DDX5: variants seen among roughly 807,000 people sequenced by gnomAD.
The protein encoded by DDX5 is probable ATP-dependent RNA helicase DDX5.
In DDX5, 6 loss-of-function variants were observed where a neutral mutation model predicts 68.6. The ratio of observed to expected loss-of-function variants is 0.09; its 90% confidence interval spans 0.05 to 0.17. The LOEUF (loss-of-function observed/expected upper bound fraction) is 0.17. Among genes scored for constraint, DDX5 ranks in the 10% least tolerant of loss-of-function variants. The pLI, the probability that DDX5 is intolerant of heterozygous loss-of-function variation, is 1.00. For synonymous variants in DDX5, 350 were observed against 247.0 expected (o/e 1.42, Z -3.91); for missense variants, 499 against 756.1 (o/e 0.66, Z 3.99).
In DDX5 at chr17:64,498,771, A is replaced by T. The variant is rs1373337950; in HGVS notation, c.*1152T>A. Among the ~76,000 whole-genome samples, 3 of 152,222 alleles carry T rather than the reference A, an allele frequency of 2.0e-5. No individual in the cohort carries two copies. The highest frequency in any genetic ancestry group is 4.4e-5 in the Non-Finnish European group (3 of 68,046). On this transcript the variant is annotated 3_prime_UTR_variant, in exon 13 of 13. Coordinates refer to ENST00000225792, the MANE Select transcript of DDX5 (RefSeq NM_004396.5). ...CTAGCTATTACTGAAATAAATGATTAGAAAGTTACGTTGGTGAGCCGAAGT... is the reference window on the plus strand; with the variant it reads ...CTAGCTATTACTGAAATAAATGATTTGAAAGTTACGTTGGTGAGCCGAAGT...
In DDX5 at chr17:64,501,124, C is replaced by G. The variant is rs548672733; in HGVS notation, c.1217-351G>C. On this transcript the variant is annotated intron_variant, in intron 11 of 12. Transcript: ENST00000225792. ...ACTTAAAGTTTCACAGCAACCTCTT[C>G]ATGTGCTCATTTTGAGGACCTTGAA... 3 of 273,286 alleles carry G rather than the reference C, an allele frequency of 1.1e-5. No homozygotes were observed. In the East Asian group the frequency reaches 2.4e-4, roughly 22 times the overall value. 16.9% of individuals were successfully genotyped at this position (273,286 alleles called of 1,614,324 possible). A position where few individuals can be genotyped will look rare whatever the true frequency, so the allele number is the denominator to read the frequency against.
chr17:64,500,065 T>G lies in DDX5; in HGVS notation c.1703A>C (p.Gln568Pro), dbSNP rs1555670726. Residue 568 changes from glutamine (Q) to proline (P), a missense_variant, in exon 13 of 13, where the codon CAG becomes CCG. Physicochemically the swap from Gln to Pro is moderately conservative, Grantham distance 76 (BLOSUM62 -1). Transcript: ENST00000225792. The part of the protein sequence containing the change: ...FRTGNPTGTY[Q>P]NGYDSTQQYG... ...TTGCTGAGTGCTATCATAACCATTC[T>G]GGTAAGTCCCTGTTGGATTACCAGT... 8.7e-6 allele frequency: 14 copies of G among 1,614,264 alleles called. No homozygotes were observed. Among genetic ancestry groups the G allele is most frequent in the Non-Finnish European group, 1.2e-5 (14 of 1,180,044 alleles).
chr17:64,499,132 T>A lies in DDX5; in HGVS notation c.*791A>T, dbSNP rs963199595. 1.3e-5 allele frequency among the ~76,000 whole-genome samples: 2 copies of A among 152,224 alleles called. No individual in the cohort carries two copies. Among genetic ancestry groups the A allele is most frequent in the Non-Finnish European group, 2.9e-5 (2 of 68,040 alleles). ...TCCTGGCCATCTTAAAGGGCTAATG[T>A]ATGTCTTTCACAGGTTTGTTCAACA... On this transcript the variant is annotated 3_prime_UTR_variant, in exon 13 of 13. Coordinates refer to ENST00000225792, the MANE Select transcript of DDX5 (RefSeq NM_004396.5).
At chr17:64,505,692 C>G (rs1433787981) in intron 1 of DDX5, 2 of 1,518,292 alleles carry the variant, frequency 1.3e-6, no homozygotes, top group East Asian at 4.9e-5. Context: ...AAGTGGTCCC[C>G]TCGCTCCCAC....
At chr17:64,506,787 C>T (rs1158904397), upstream of DDX5, 3 of 539,548 alleles carry the variant, frequency 5.6e-6, no homozygotes, top group Non-Finnish European at 1.0e-5. Flanking sequence ...CGGGACCCGC[C>T]CGGGCTGCCG....
At chr17:64,505,356 G>A (rs2038434475) in intron 1 of DDX5, 1 of 423,230 alleles carries the variant, frequency 2.4e-6, no homozygotes, top group South Asian at 3.0e-5. Flanking sequence ...AACCCAGCTG[G>A]GGGAACGCCG....
At position 64,504,239 on chromosome 17, in the gene DDX5, T is replaced by C. The variant is rs1240094648; in HGVS notation, c.290A>G (p.Tyr97Cys). Residue 97 changes from tyrosine to cysteine, a missense_variant, in exon 3 of 13, where the codon TAT (tyrosine) becomes TGT (cysteine). By Grantham distance (194) the Tyr-to-Cys change is radical. Around this residue, in one of 5 missense-constraint regions of DDX5, gnomAD observed 140 missense variants for 135.7 expected, o/e 1.03. Coordinates refer to ENST00000225792, the MANE Select transcript of DDX5 (RefSeq NM_004396.5). ...HNCPKPVLNFYEANFPANVMD... is the reference protein window; with the variant it reads ...HNCPKPVLNFCEANFPANVMD... Reference sequence around the variant, plus strand: ...GCACTTACCAGGGAAATTGGCTTCATAAAAATTTAGAACTGGCTTCGGGCA... The same window carrying C: ...GCACTTACCAGGGAAATTGGCTTCACAAAAATTTAGAACTGGCTTCGGGCA... The C allele has an allele frequency of 6.2e-7, 1 of 1,614,152 alleles. No individual in the cohort carries two copies. The highest frequency in any genetic ancestry group is 1.1e-5 in the South Asian group (1 of 91,086).
At chr17:64,504,874 C>A (rs373574107) in intron 1 of DDX5, 32 bp from the exon 2 acceptor site, 10 of 1,583,742 alleles carry the variant, frequency 6.3e-6, no homozygotes, top group Non-Finnish European at 6.8e-6. Context: ...TTCACATTTT[C>A]AAATGGCTAT....
At chr17:64,506,700 T>G (rs574805291), upstream of DDX5, 5 of 367,996 alleles carry the variant, frequency 1.4e-5, no homozygotes, top group East Asian at 5.0e-5. Flanking sequence ...GAGAGAGCGG[T>G]CCGCACTACT....
rs536260436 is a variant in DDX5 at position 64,499,565 on chromosome 17, T to A, written c.*358A>T. The A allele has an allele frequency of 1.7e-5, 4 of 236,336 alleles. No homozygotes were observed. The East Asian group carries it at 1.9e-4, about 11-fold the overall frequency. 14.6% of individuals were successfully genotyped at this position (236,336 alleles called of 1,614,324 possible). On this transcript the variant is annotated 3_prime_UTR_variant, in exon 13 of 13. Transcript: ENST00000225792. ...CAAAAACAAAAAAAAAACCAGACCA[T>A]CTTAAGCAAAGTTTTACATGACATT... is the stretch of plus-strand genomic sequence containing the variant.
intron 11 of DDX5, chr17:64,501,615 G>A (rs1598147409): frequency 5.0e-6 from 1 of 198,746 alleles, no homozygotes; most frequent in East Asian, 1.3e-4. Flanking sequence ...ACAGATCACA[G>A]TGAACAGTTT....
rs1240143178 is a variant in DDX5, at chr17:64,504,827, T to C, written c.60A>G (p.Arg20=). Residue 20 remains arginine (R), a synonymous_variant, in exon 2 of 13, where the codon CGA becomes CGG. Coordinates refer to ENST00000225792, the MANE Select transcript of DDX5 (RefSeq NM_004396.5). ...RGRDRGFGAP[R]FGGSRAGPLS... ...AGGGCCCTGCCCTACTTCCTCCAAA[T>C]CGAGGTGCACCAAACCTGGAATGAA... 1 of 1,603,528 alleles carries C rather than the reference T, an allele frequency of 6.2e-7. No homozygotes were observed. The highest frequency in any genetic ancestry group is 8.5e-7 in the Non-Finnish European group (1 of 1,177,260).
chr17:64,504,383 A>G (rs2038373535), intron 2 of DDX5, 65 bp from the exon 3 acceptor site: 5 of 1,367,220 alleles, frequency 3.7e-6, no homozygotes, highest in Non-Finnish European at 5.2e-6. Flanking sequence ...TACGTAATTG[A>G]TAAGCCCCTA....
chr17:64,500,119 A>C lies in DDX5; in HGVS notation c.1649T>G (p.Val550Gly). Reference protein sequence around the residue: ...YTNGSFGSNFVSAGIQTSFRT... With the variant: ...YTNGSFGSNFGSAGIQTSFRT... Reference sequence around the variant, plus strand: ...AAAACTGGTCTGTATACCAGCAGACACAAAATTACTTCCAAAGCTCCCATT... The same window carrying C: ...AAAACTGGTCTGTATACCAGCAGACCCAAAATTACTTCCAAAGCTCCCATT... Residue 550 changes from valine to glycine, a missense_variant, in exon 13 of 13, where the codon GTG becomes GGG. Physicochemically the swap from Val to Gly is moderately radical, Grantham distance 109. Coordinates refer to ENST00000225792, the MANE Select transcript of DDX5 (RefSeq NM_004396.5). 1 of 1,614,234 alleles carries C rather than the reference A, an allele frequency of 6.2e-7. No homozygotes were observed. Among genetic ancestry groups the C allele is most frequent in the South Asian group, 1.1e-5 (1 of 91,084 alleles).
At position 64,506,179 on chromosome 17, in the gene DDX5, C is replaced by A; in HGVS notation, c.-60G>T. The A allele has an allele frequency of 6.3e-7, 1 of 1,589,518 alleles. No homozygotes were observed. Among genetic ancestry groups the A allele is most frequent in the Non-Finnish European group, 8.6e-7 (1 of 1,168,120 alleles). On this transcript the variant is annotated 5_prime_UTR_variant, in exon 1 of 13. Transcript: ENST00000225792. ...ATATAGAAAAGCGTGCGACAAGTCGCTGGAAATGGCCTCGATGACGGCGAA... is the reference window on the plus strand; with the variant it reads ...ATATAGAAAAGCGTGCGACAAGTCGATGGAAATGGCCTCGATGACGGCGAA...
chr17:64,500,950 A>G (rs1369863188), intron 11 of DDX5, 177 bp from the exon 12 acceptor site: 1 of 604,224 alleles, frequency 1.7e-6, no homozygotes, highest in Non-Finnish European at 2.9e-6. Flanking sequence ...GAAAAAAGAA[A>G]AAAAAGCACA....
At chr17:64,502,737 C>T (rs1222339774) in intron 8 of DDX5, 188 bp from the exon 9 acceptor site, 5 of 730,884 alleles carry the variant, frequency 6.8e-6, no homozygotes, top group East Asian at 5.4e-5. Context: ...CACATGAATT[C>T]CTTCTATAGG....
At position 64,500,122 on chromosome 17, in the gene DDX5, A is replaced by G; in HGVS notation, c.1646T>C (p.Phe549Ser). The G allele has an allele frequency of 6.2e-7, 1 of 1,614,216 alleles. No homozygotes were observed. The highest frequency in any genetic ancestry group is 8.5e-7 in the Non-Finnish European group (1 of 1,180,030). Residue 549 changes from phenylalanine (F) to serine (S), a missense_variant, in exon 13 of 13, where the codon TTT (phenylalanine) becomes TCT (serine). Phe to Ser is a radical substitution (Grantham distance 155). Transcript: ENST00000225792. ...NYTNGSFGSN[F>S]VSAGIQTSFR... ...ACTGGTCTGTATACCAGCAGACACA[A>G]AATTACTTCCAAAGCTCCCATTGGT...
At chr17:64,505,561 C>T (rs2038453014) in intron 1 of DDX5, 2 of 663,372 alleles carry the variant, frequency 3.0e-6, no homozygotes, top group South Asian at 1.7e-5. Context: ...TTTTGAGCTC[C>T]TCCGCCGGGC....
Sources: allele counts gnomAD v4.1 joint callset (sites outside exome capture counted in the v4.1 genomes callset), GRCh38; gene constraint gnomAD v4.1.1; regional missense constraint gnomAD v4.1.1; transcripts MANE v1.5; gene names NCBI Gene and HGNC (gene_info 2026-07-23, HGNC 2026-07-21).